Variants in CINP observed in about 807,000 individuals in gnomAD.
CINP encodes cyclin-dependent kinase 2-interacting protein.
In CINP, 11 loss-of-function variants were observed where a neutral mutation model predicts 20.5. The observed-to-expected ratio is 0.54, with a 90% confidence interval of 0.34 to 0.89. CINP has a LOEUF of 0.89. Ranked by LOEUF, CINP falls within the 40% of genes least tolerant of loss-of-function variation. CINP has a pLI of 0.02. For synonymous variants in CINP, 108 were observed against 102.1 expected, an observed-to-expected ratio of 1.06 and a Z score of -0.35; for missense variants, 213 against 251.0, an observed-to-expected ratio of 0.85 and a Z score of 1.02.
chr14:102,349,711 G>C (rs1241492713), intron 4 of CINP, among the ~76,000 whole-genome samples: 1 of 152,120 alleles, frequency 6.6e-6, no homozygotes, highest in Non-Finnish European at 1.5e-5. Flanking sequence ...CTTGCTTCAC[G>C]GGTCTCTATG....
intron 1 of CINP, among the ~76,000 whole-genome samples, chr14:102,361,123 T>C (rs1408023225): frequency 6.6e-6 from 1 of 152,082 alleles, no homozygotes; most frequent in Non-Finnish European, 1.5e-5. Flanking sequence ...TGTGATCCCC[T>C]GAGAAGGTGT....
chr14:102,362,862 G>T lies in CINP; in HGVS notation c.-11C>A. ...TCACGCACCTTCCATAAGGTCCACA[G>T]ATATCCGTAGAAGGAGACGCGAAGC... On this transcript the variant is annotated 5_prime_UTR_variant, in exon 1 of 5. The change creates a new upstream start codon in the 5' untranslated region. Coordinates refer to ENST00000216756, the MANE Select transcript of CINP (RefSeq NM_032630.3). 6.2e-7 allele frequency: 1 copy of T among 1,614,114 alleles called. No homozygotes were observed.
intron 2 of CINP, among the ~76,000 whole-genome samples, chr14:102,358,475 GT>G (rs1170352775): frequency 6.6e-6 from 1 of 152,182 alleles, no homozygotes; most frequent in East Asian, 1.9e-4. Flanking sequence ...GAGGTCAGGA[GT>G]TTGAGACTAG....
At chr14:102,362,095 A>G (rs1887177584) in intron 1 of CINP, among the ~76,000 whole-genome samples, 1 of 152,330 alleles carries the variant, frequency 6.6e-6, no homozygotes, top group Admixed American at 6.5e-5. Context: ...AATAGCTCTT[A>G]CCACCTGTTC....
chr14:102,355,962 T>C (rs1886991079), intron 2 of CINP, 65 bp from the exon 3 acceptor site: 5 of 1,548,798 alleles, frequency 3.2e-6, no homozygotes, highest in Non-Finnish European at 4.4e-6. Context: ...TTCCTTATAA[T>C]AAATTCTACA....
At chr14:102,355,533 T>A (rs978791802) in intron 3 of CINP, 48 of 379,386 alleles carry the variant, frequency 1.3e-4, no homozygotes, top group East Asian at 3.1e-4. Flanking sequence ...AAAAAAAAAA[T>A]TTACTATGTG....
chr14:102,362,651 G>A (rs757206281), intron 1 of CINP, 194 bp downstream of exon 1: 2 of 739,206 alleles, frequency 2.7e-6, no homozygotes, highest in African/African-American at 1.7e-5. Context: ...TGAAAAAACG[G>A]AGGCTCGGCA....
chr14:102,358,649 C>T (rs1887051425), intron 2 of CINP, among the ~76,000 whole-genome samples: 1 of 151,812 alleles, frequency 6.6e-6, no homozygotes, highest in Non-Finnish European at 1.5e-5. Context: ...CCATTGCACT[C>T]CAGCCTGGGG....
At chr14:102,360,252 G>A (rs1887109740) in intron 1 of CINP, among the ~76,000 whole-genome samples, 2 of 152,006 alleles carry the variant, frequency 1.3e-5, no homozygotes, top group East Asian at 1.9e-4. Context: ...CTTTACACGT[G>A]TTCTCTCTGC....
At chr14:102,362,543 G>A (rs1429370648) in intron 1 of CINP, 1 of 703,114 alleles carries the variant, frequency 1.4e-6, no homozygotes, top group Non-Finnish European at 2.6e-6. Flanking sequence ...AGTGAACTCT[G>A]TTAGTACTAA....
chr14:102,348,822 G>T, intron 4 of CINP, 63 bp from the exon 5 acceptor site: 2 of 1,466,978 alleles, frequency 1.4e-6, no homozygotes, highest in Non-Finnish European at 1.9e-6. Context: ...GACTTGGGAA[G>T]AACTACATTT....
intron 1 of CINP, among the ~76,000 whole-genome samples, chr14:102,361,911 T>C (rs1415085478): frequency 6.6e-6 from 1 of 152,226 alleles, no homozygotes. Flanking sequence ...CCACTAGATA[T>C]GTGGTACACC....
At position 102,348,511 on chromosome 14, in the gene CINP, C is replaced by T; in HGVS notation, c.*46G>A. On this transcript the variant is annotated 3_prime_UTR_variant, in exon 5 of 5. Transcript: ENST00000216756. The stretch of plus-strand genomic sequence containing the variant: ...ACTGGGTCCTAGGCAGACTGTCTGC[C>T]TGGTGAGACGTGGAAGGAGCCAGTG... 3.2e-6 allele frequency: 5 copies of T among 1,538,920 alleles called. No individual in the cohort carries two copies. The highest frequency in any genetic ancestry group is 3.5e-6 in the Non-Finnish European group (4 of 1,133,110).
intron 2 of CINP, 49 bp downstream of exon 2, chr14:102,359,370 G>C: frequency 7.3e-7 from 1 of 1,375,458 alleles, no homozygotes; most frequent in South Asian, 1.5e-5. Context: ...TATTTCCCCA[G>C]TTATTAAGGG....
chr14:102,360,422 C>G (rs1249273208), intron 1 of CINP, among the ~76,000 whole-genome samples: 1 of 151,962 alleles, frequency 6.6e-6, no homozygotes, highest in Non-Finnish European at 1.5e-5. Context: ...CTACTTTGAA[C>G]CCCACAAAGG....
At chr14:102,358,910 T>C (rs1020644294) in intron 2 of CINP, among the ~76,000 whole-genome samples, 1 of 151,788 alleles carries the variant, frequency 6.6e-6, no homozygotes, top group East Asian at 1.9e-4. Flanking sequence ...AATCAAAGAA[T>C]CTGTGGTTTT....
chr14:102,359,165 C>T (rs1887067622), intron 2 of CINP, among the ~76,000 whole-genome samples: 1 of 149,196 alleles, frequency 6.7e-6, no homozygotes, highest in African/African-American at 2.5e-5. Context: ...CGCGCCATCA[C>T]ACTCCAGCCT....
At position 102,355,875 on chromosome 14, in the gene CINP, C is replaced by G; in HGVS notation, c.199G>C (p.Asp67His). 1.2e-6 allele frequency: 2 copies of G among 1,614,140 alleles called. No individual in the cohort carries two copies. Among genetic ancestry groups the G allele is most frequent in the South Asian group, 2.2e-5 (2 of 91,082 alleles). Reference sequence around the variant, plus strand: ...TCCTTCGAGGCTGGGCTGCTGCTGTCTAGTTCTATCTTGTCTTTATTCCTA... The same window carrying G: ...TCCTTCGAGGCTGGGCTGCTGCTGTGTAGTTCTATCTTGTCTTTATTCCTA... ...SLLNKDKIEL[D>H]SSSPASKENE... Residue 67 changes from aspartate (D) to histidine (H), a missense_variant, in exon 3 of 5, where the codon GAC (aspartate) becomes CAC (histidine). Transcript: ENST00000216756.
At chr14:102,352,369 A>T (rs534637302) in intron 3 of CINP, 22 of 341,258 alleles carry the variant, frequency 6.4e-5, no homozygotes, top group South Asian at 4.8e-4. Context: ...TTCAAGTCAC[A>T]TAGGCACGTG....
Sources: allele counts gnomAD v4.1 joint callset (sites outside exome capture counted in the v4.1 genomes callset), GRCh38; gene constraint gnomAD v4.1.1; transcripts MANE v1.5; gene names NCBI Gene and HGNC (gene_info 2026-07-23, HGNC 2026-07-21).